GAS2L2: variants seen among roughly 807,000 people sequenced by gnomAD.
GAS2L2 encodes growth arrest specific 2 like 2, also known as GAS2-like protein 2.
GAS2L2 carries 21 observed loss-of-function variants against 35.2 expected under a neutral mutation model. The ratio of observed to expected loss-of-function variants is 0.60; its 90% CI spans 0.42 to 0.86. GAS2L2 has a LOEUF of 0.86. Ranked by LOEUF, GAS2L2 falls within the 40% of genes least tolerant of loss-of-function variation. The pLI, the probability that GAS2L2 is intolerant of heterozygous loss-of-function variation, is 0.00. For synonymous variants in GAS2L2, 490 were observed against 473.2 expected (o/e 1.04, Z -0.46); for missense variants, 1,169 against 1,144.4 (o/e 1.02, Z -0.31).
At chr17:35,747,385 AC>A in intron 4 of GAS2L2, 117 bp from the exon 5 acceptor site, 1 of 1,218,150 alleles carries the variant, frequency 8.2e-7, no homozygotes, top group South Asian at 1.6e-5. Context: ...AAACAGTGGG[AC>A]CTACAGTGGC....
Position 35,745,783 on chromosome 17 carries a change from C to G in GAS2L2, c.1714G>C (p.Ala572Pro). The part of the protein sequence containing the change: ...QQLDIQVMAE[A>P]RESWDLGLQE... Reference sequence around the variant, plus strand: ...AGGCCCAGGTCCCAGGACTCTCTGGCCTCTGCCATGACCTGGATGTCCAGC... The same window carrying G: ...AGGCCCAGGTCCCAGGACTCTCTGGGCTCTGCCATGACCTGGATGTCCAGC... The change falls in exon 6 of 6, where the codon GCC becomes CCC. Residue 572 changes from alanine (A) to proline (P), a missense_variant. Ala to Pro is a conservative substitution (Grantham distance 27, BLOSUM62 -1). Transcript: ENST00000604641. 1 of 1,613,838 alleles carries G rather than the reference C, an allele frequency of 6.2e-7. No individual in the cohort carries two copies. Among genetic ancestry groups the G allele is most frequent in the Non-Finnish European group, 8.5e-7 (1 of 1,180,042 alleles).
chr17:35,745,297 C>T lies in GAS2L2; in HGVS notation c.2200G>A (p.Ala734Thr). 6.2e-7 allele frequency: 1 copy of T among 1,611,992 alleles called. No homozygotes were observed. Among genetic ancestry groups the T allele is most frequent in the Non-Finnish European group, 8.5e-7 (1 of 1,178,750 alleles). The change falls in exon 6 of 6, where the codon GCC becomes ACC. Residue 734 changes from alanine (A) to threonine (T), a missense_variant. Around this residue, in one of 3 missense-constraint regions of GAS2L2, gnomAD observed 1,035 missense variants for 976.5 expected, o/e 1.06. Transcript: ENST00000604641. ...GQDCSASTVS[A>T]SPEAPTPSPL... ...GAAGGTGTGGGGGCCTCCGGGCTGG[C>T]AGACACAGTAGAAGCCGAGCAGTCC... is the stretch of plus-strand genomic sequence containing the variant.
At chr17:35,747,752 A>C in intron 4 of GAS2L2, 97 bp downstream of exon 4, 1 of 957,266 alleles carries the variant, frequency 1.0e-6, no homozygotes, top group Non-Finnish European at 1.6e-6. Flanking sequence ...CCCCTCCTGG[A>C]GATCAGACAT....
chr17:35,749,043 G>T, intron 3 of GAS2L2, 67 bp downstream of exon 3: 1 of 973,726 alleles, frequency 1.0e-6, no homozygotes, highest in Non-Finnish European at 1.6e-6. Context: ...GAGACTTAGT[G>T]TCATTGTCCC....
chr17:35,745,836 G>A lies in GAS2L2; in HGVS notation c.1661C>T (p.Ser554Phe). ...DLAGSTHGDC[S>F]VEVRQEDQQL... ...CTGGTCCTCCTGCCTCACTTCCACA[G>A]AGCAGTCCCCATGCGTGGACCCAGC... Residue 554 changes from serine to phenylalanine, a missense_variant, in exon 6 of 6, where the codon TCT (serine) becomes TTT (phenylalanine). Coordinates refer to ENST00000604641, the MANE Select transcript of GAS2L2 (RefSeq NM_139285.4). 3 of 1,613,876 alleles carry A rather than the reference G, an allele frequency of 1.9e-6. No homozygotes were observed. Among genetic ancestry groups the A allele is most frequent in the Non-Finnish European group, 2.5e-6 (3 of 1,180,042 alleles).
At chr17:35,746,796 G>C (rs1555599043) in intron 5 of GAS2L2, among the ~76,000 whole-genome samples, 3 of 152,174 alleles carry the variant, frequency 2.0e-5, no homozygotes, top group Non-Finnish European at 1.5e-5. Context: ...CAGTAAGTCT[G>C]TTCCATTTCT....
intron 3 of GAS2L2, among the ~76,000 whole-genome samples, chr17:35,748,477 T>C (rs2085683191): frequency 1.3e-5 from 2 of 152,250 alleles, no homozygotes; most frequent in South Asian, 4.1e-4. Flanking sequence ...AGGTTTGGCC[T>C]GTGCCCAAGG....
rs140506424 is a variant in GAS2L2, at chr17:35,749,192, G to A, written c.653C>T (p.Thr218Met). The change falls in exon 3 of 6, where the codon ACG (threonine) becomes ATG (methionine). Residue 218 changes from threonine (T) to methionine (M), a missense_variant. This residue lies in a region of GAS2L2 where 1,035 missense variants were observed against 976.5 expected (regional missense o/e 1.06). Coordinates refer to ENST00000604641, the MANE Select transcript of GAS2L2 (RefSeq NM_139285.4). ...GACCATGGAGAACTGCACTGGGCAC[G>A]TGCAGTGGCTCACAAGGCTCTGCAC... Reference protein sequence around the residue: ...QMVQSLVSHCTCPVQFSMVKV... With the variant: ...QMVQSLVSHCMCPVQFSMVKV... 385 of 1,613,564 alleles carry A rather than the reference G, an allele frequency of 2.4e-4. 1 individual carries two copies. In the African/African-American group the frequency reaches 4.5e-3, roughly 19 times the overall value.
chr17:35,752,199 C>T (rs587736782), intron 1 of GAS2L2, among the ~76,000 whole-genome samples: 18 of 152,298 alleles, frequency 1.2e-4, no homozygotes, highest in Non-Finnish European at 2.2e-4. Flanking sequence ...CCTTGGTGCC[C>T]AGCAAAGTGC....
At position 35,745,175 on chromosome 17, in the gene GAS2L2, C is replaced by T; in HGVS notation, c.2322G>A (p.Leu774=). 1.2e-6 allele frequency: 2 copies of T among 1,612,584 alleles called. No individual in the cohort carries two copies. Among genetic ancestry groups the T allele is most frequent in the Non-Finnish European group, 1.7e-6 (2 of 1,178,864 alleles). Residue 774 remains leucine (L), a synonymous_variant, in exon 6 of 6, where the codon CTG becomes CTA. Coordinates refer to ENST00000604641, the MANE Select transcript of GAS2L2 (RefSeq NM_139285.4). The stretch of plus-strand genomic sequence containing the variant: ...GGGGCCGAATCCTGGGTCTCAGCTT[C>T]AGCTTGTAGATGGACGGGACCCTCT... The part of the protein sequence containing the change: ...KPKRVPSIYK[L]KLRPRIRPRR...
At position 35,745,613 on chromosome 17, in the gene GAS2L2, C is replaced by A; in HGVS notation, c.1884G>T (p.Gly628=). The A allele has an allele frequency of 6.2e-7, 1 of 1,613,916 alleles. No individual in the cohort carries two copies. Among genetic ancestry groups the A allele is most frequent in the Non-Finnish European group, 8.5e-7 (1 of 1,180,026 alleles). ...RSACPQGTRS[G]VIPRSGVYIP... is the part of the protein sequence containing the mutation. ...TGTAGACCCCACTGCGAGGGATGAC[C>A]CCAGACCTTGTGCCCTGCGGACAGG... is the stretch of plus-strand genomic sequence containing the variant. Residue 628 remains glycine (G), a synonymous_variant, in exon 6 of 6, where the codon GGG becomes GGT. Transcript: ENST00000604641.
chr17:35,748,960 C>T, intron 3 of GAS2L2, 150 bp downstream of exon 3: 1 of 608,808 alleles, frequency 1.6e-6, no homozygotes, highest in Non-Finnish European at 2.9e-6. Context: ...TGTCATTGTC[C>T]TCAAGCCTGG....
Position 35,746,313 on chromosome 17 carries a change from G to A in GAS2L2, c.1184C>T (p.Pro395Leu), listed in dbSNP as rs781824574. 7 of 1,409,760 alleles carry A rather than the reference G, an allele frequency of 5.0e-6. No individual in the cohort carries two copies. In the East Asian group the frequency reaches 1.5e-4, roughly 29 times the overall value. 87.3% of individuals were successfully genotyped at this position (1,409,760 alleles called of 1,614,324 possible). Residue 395 changes from proline (P) to leucine (L), a missense_variant, in exon 6 of 6, where the codon CCA (proline) becomes CTA (leucine). Physicochemically the swap from Pro to Leu is moderately conservative, Grantham distance 98. Transcript: ENST00000604641. ...CCTCTTTCCTGACGAGGTACACTGT[G>A]GGTCTCGGCCTTTTTGGGTAGATGA... ...QSSSTQKGRD[P>L]QCTSSGKREE...
rs1319407061 is a variant in GAS2L2 at position 35,744,866 on chromosome 17, C to T, written c.2631G>A (p.Glu877=). 6.3e-7 allele frequency: 1 copy of T among 1,586,830 alleles called. No homozygotes were observed. The highest frequency in any genetic ancestry group is 1.3e-5 in the African/African-American group (1 of 74,424). ...LNQAPLPPEE[E]SWV ...ACGCTCATGTGCCTCAGACCCAGGA[C>T]TCCTCCTCAGGTGGAAGTGGAGCTT... Residue 877 remains glutamate (E), a synonymous_variant, in exon 6 of 6, where the codon GAG becomes GAA. Transcript: ENST00000604641.
intron 5 of GAS2L2, 84 bp downstream of exon 5, chr17:35,746,932 G>T: frequency 1.4e-6 from 2 of 1,380,186 alleles, no homozygotes; most frequent in Non-Finnish European, 1.9e-6. Flanking sequence ...CCGAGGATCT[G>T]CTCCTTTTAT....
rs1045327012 is a variant in GAS2L2, at chr17:35,746,976, C to G, written c.1085+40G>C. 2.0e-6 allele frequency: 3 copies of G among 1,510,596 alleles called. No individual in the cohort carries two copies. In the Admixed American group the frequency reaches 6.7e-5, roughly 34 times the overall value. 93.6% of individuals were successfully genotyped at this position (1,510,596 alleles called of 1,614,324 possible). On this transcript the variant is annotated intron_variant, in intron 5 of 5. Transcript: ENST00000604641. ...GTGGTGACCTCTGAGAATGTGCACTCCAAAGGAAAAAGAGCCCCATCCCTG... is the reference window on the plus strand; with the variant it reads ...GTGGTGACCTCTGAGAATGTGCACTGCAAAGGAAAAAGAGCCCCATCCCTG...
chr17:35,751,439 G>A lies in GAS2L2; in HGVS notation c.385+1027C>T, dbSNP rs965221808. Among the ~76,000 whole-genome samples the A allele has an allele frequency of 2.6e-5, 4 of 152,102 alleles. No homozygotes were observed. In the East Asian group the frequency reaches 5.8e-4, roughly 22 times the overall value. ...TCTCGGCAGTTTGGGAGGCTAAGGC[G>A]GGCGGATCACTTTAGGTCAGGAGTT... is the stretch of plus-strand genomic sequence containing the variant. On this transcript the variant is annotated intron_variant, in intron 1 of 5. Coordinates refer to ENST00000604641, the MANE Select transcript of GAS2L2 (RefSeq NM_139285.4).
Position 35,750,237 on chromosome 17 carries a change from C to A in GAS2L2, c.467G>T (p.Arg156Leu). Residue 156 changes from arginine to leucine, a missense_variant, in exon 2 of 6, where the codon CGC becomes CTC. Physicochemically the swap from Arg to Leu is moderately radical, Grantham distance 102. This residue lies in a region of GAS2L2 where 1,035 missense variants were observed against 976.5 expected (regional missense o/e 1.06). Transcript: ENST00000604641. ...NVVLCLLELG[R>L]RAWRFGVAAP... The stretch of plus-strand genomic sequence containing the variant: ...CGCAACACCAAAGCGCCACGCCCGG[C>A]GGCCCAGCTCCAGCAAACACAGCAC... 1 of 1,613,804 alleles carries A rather than the reference C, an allele frequency of 6.2e-7. No homozygotes were observed. The highest frequency in any genetic ancestry group is 8.5e-7 in the Non-Finnish European group (1 of 1,179,840).
chr17:35,751,273 G>C (rs1241160770), intron 1 of GAS2L2, among the ~76,000 whole-genome samples: 1 of 152,082 alleles, frequency 6.6e-6, no homozygotes. Context: ...CTCACCACCA[G>C]CCTCTCCCTA....
Sources: gnomAD v4.1 joint callset for allele counts (sites outside exome capture counted in the v4.1 genomes callset) on GRCh38, gnomAD v4.1.1 for gene constraint, gnomAD v4.1.1 regional missense constraint, MANE v1.5 for transcripts, NCBI Gene and HGNC (gene_info 2026-07-23, HGNC 2026-07-21) for gene names.